Variants in SYNE1 observed in about 807,000 individuals in gnomAD.
SYNE1 encodes spectrin repeat containing nuclear envelope protein 1.
In SYNE1, 616 loss-of-function variants were observed where a neutral mutation model predicts 1,111.0. That is an observed-to-expected ratio of 0.55 (90% confidence interval 0.52 to 0.59). The LOEUF is 0.59. Ranked by LOEUF, SYNE1 falls within the 20% of genes least tolerant of loss-of-function variation. The pLI, the probability that SYNE1 is intolerant of heterozygous loss-of-function variation, is 0.00. For missense variants in SYNE1, 10,006 were observed against 10,417.0 expected (o/e 0.96, Z 1.72); for synonymous variants, 3,855 against 3,825.8 (o/e 1.01, Z -0.28).
In SYNE1 at chr6:152,353,732, C is replaced by T. The variant is rs950891810; in HGVS notation, c.10939G>A (p.Glu3647Lys). The T allele has an allele frequency of 1.9e-6, 3 of 1,614,070 alleles. No individual in the cohort carries two copies. The highest frequency in any genetic ancestry group is 3.3e-5 in the Admixed American group (2 of 60,028). Residue 3647 changes from glutamate (E) to lysine (K), a missense_variant, in exon 68 of 146, where the codon GAA becomes AAA. Physicochemically the swap from Glu to Lys is moderately conservative, Grantham distance 56 (BLOSUM62 1). Coordinates refer to ENST00000367255, the MANE Select transcript of SYNE1 (RefSeq NM_182961.4). ...QLHQMKKWHEEVTAYRDEVEE... is the reference protein window; with the variant it reads ...QLHQMKKWHEKVTAYRDEVEE... ...ACTTCATCTCTGTATGCAGTCACTTCTTCGTGCCACTTCTGAAATGACAAA... is the reference window on the plus strand; with the variant it reads ...ACTTCATCTCTGTATGCAGTCACTTTTTCGTGCCACTTCTGAAATGACAAA...
At chr6:152,376,281 C>A (rs562026178) in intron 58 of SYNE1, 100 bp downstream of exon 58, 1 of 1,326,682 alleles carries the variant, frequency 7.5e-7, no homozygotes, top group Non-Finnish European at 1.1e-6. Context: ...GGCCAGGGAC[C>A]TGTACCAGTC....
intron 114 of SYNE1, among the ~76,000 whole-genome samples, chr6:152,231,026 T>G (rs1037549930): frequency 6.6e-6 from 1 of 152,186 alleles, no homozygotes; most frequent in African/African-American, 2.4e-5. Context: ...AAGGCCGTCC[T>G]GGGCCGCATG....
At chr6:152,486,606 G>A (rs2098942020) in intron 12 of SYNE1, among the ~76,000 whole-genome samples, 1 of 152,110 alleles carries the variant, frequency 6.6e-6, no homozygotes, top group East Asian at 1.9e-4. Context: ...CTCTGTTCTT[G>A]CAATTCTTTT....
intron 55 of SYNE1, among the ~76,000 whole-genome samples, chr6:152,385,349 A>G (rs2097508785): frequency 6.6e-6 from 1 of 152,244 alleles, no homozygotes; most frequent in African/African-American, 2.4e-5. Context: ...TAACTAAGTT[A>G]CTATATAAAC....
intron 40 of SYNE1, among the ~76,000 whole-genome samples, chr6:152,418,205 G>A (rs214991): frequency 0.21 from 32,512 of 152,092 alleles, 3,692 homozygotes; most frequent in East Asian, 0.38. Flanking sequence ...CCTTTGAGAT[G>A]TAACTCTTCT....
intron 124 of SYNE1, among the ~76,000 whole-genome samples, chr6:152,208,996 A>G (rs2077037056): frequency 1.3e-5 from 2 of 152,148 alleles, no homozygotes; most frequent in Non-Finnish European, 2.9e-5. Flanking sequence ...GTAGTTCTTT[A>G]TTACGTTTTA....
intron 113 of SYNE1, 32 bp from the exon 114 acceptor site, chr6:152,231,599 C>A: frequency 6.2e-7 from 1 of 1,603,688 alleles, no homozygotes; most frequent in Non-Finnish European, 8.5e-7. Context: ...TAAGATTATA[C>A]AATAAATGTC....
rs537787765 is a variant in SYNE1 at position 152,393,909 on chromosome 6, G to A, written c.7712+1607C>T. On this transcript the variant is annotated intron_variant, in intron 51 of 145. Transcript: ENST00000367255. ...TGTTACATAGGTATACAAGTGCCAT[G>A]GTGGTTTGCTGCACCCATCAACCTG... is the stretch of plus-strand genomic sequence containing the variant. 2.0e-3 allele frequency among the ~76,000 whole-genome samples: 301 copies of A among 152,234 alleles called. 2 individuals carry two copies. Among genetic ancestry groups the A allele is most frequent in the Middle Eastern group, 6.8e-3 (2 of 294 alleles).
intron 3 of SYNE1, among the ~76,000 whole-genome samples, chr6:152,620,775 CTATT>C (rs2099673720): frequency 6.6e-6 from 1 of 152,140 alleles, no homozygotes; most frequent in African/African-American, 2.4e-5. Flanking sequence ...ATAATATTAA[CTATT>C]TATATTATAT....
chr6:152,177,504 C>G (rs2066780861), intron 129 of SYNE1, among the ~76,000 whole-genome samples: 1 of 152,184 alleles, frequency 6.6e-6, no homozygotes, highest in South Asian at 2.1e-4. Flanking sequence ...TTTTAACCTT[C>G]TCTTGGTCTA....
chr6:152,213,802 TA>T (rs1408439098), intron 122 of SYNE1, 43 bp from the exon 123 acceptor site: 1 of 1,612,450 alleles, frequency 6.2e-7, no homozygotes, highest in South Asian at 1.1e-5. Context: ...TTTCACTGCT[TA>T]TTCTTACTTC....
rs372288820 is a variant in SYNE1 at position 152,232,216 on chromosome 6, C to A, written c.20762G>T (p.Ser6921Ile). The A allele has an allele frequency of 3.1e-6, 5 of 1,613,850 alleles. No homozygotes were observed. The African/African-American group carries it at 4.0e-5, about 13-fold the overall frequency. Residue 6921 changes from serine to isoleucine, a missense_variant, in exon 113 of 146, where the codon AGT becomes ATT. Coordinates refer to ENST00000367255, the MANE Select transcript of SYNE1 (RefSeq NM_182961.4). ...AACATTTTCCATTAGAGAAATCCAA[C>A]TCATGACTTCAGAAATGGCATGGCG... ...PSRHAISEVM[S>I]WISLMENVIQ...
At chr6:152,444,261 A>G in intron 30 of SYNE1, 150 bp downstream of exon 30, 1 of 791,786 alleles carries the variant, frequency 1.3e-6, no homozygotes, top group East Asian at 2.6e-5. Context: ...CAAAACCCAG[A>G]AGCGCCAAAT....
chr6:152,510,345 G>C lies in SYNE1; in HGVS notation c.429C>G (p.Pro143=). 6.2e-7 allele frequency: 1 copy of C among 1,613,822 alleles called. No individual in the cohort carries two copies. The highest frequency in any genetic ancestry group is 1.1e-5 in the South Asian group (1 of 91,070). The part of the protein sequence containing the change: ...FQIEELTSNL[P]QLQSLSSSAS... ...CGCTGCTGGACAAAGACTGGAGCTG[G>C]GGCAGGTTGCTGGTCAACTCTTCAA... The change falls in exon 8 of 146, where the codon CCC becomes CCG. Residue 143 remains proline (P), a synonymous_variant. Coordinates refer to ENST00000367255, the MANE Select transcript of SYNE1 (RefSeq NM_182961.4).
chr6:152,248,504 C>T (rs765046087), intron 105 of SYNE1, among the ~76,000 whole-genome samples: 13 of 151,102 alleles, frequency 8.6e-5, no homozygotes, highest in African/African-American at 2.9e-4. Context: ...ATAAAGTGTA[C>T]AGGTAACTAG....
rs370019471 is a variant in SYNE1, at chr6:152,168,133, A to G, written c.23628-3808T>C. The G allele has an allele frequency of 3.5e-5, 27 of 779,336 alleles. No homozygotes were observed. The highest frequency in any genetic ancestry group is 9.7e-5 in the East Asian group (4 of 41,252). The allele number at this position is 779,336 out of a possible 1,614,324, so 48.3% of individuals were successfully genotyped here. On this transcript the variant is annotated intron_variant, in intron 130 of 145. Coordinates refer to ENST00000367255, the MANE Select transcript of SYNE1 (RefSeq NM_182961.4). ...CCTGCCTTGTGACATCGCAGTTACA[A>G]TCTGGGAGATCTGCATCCACACAGC...
intron 126 of SYNE1, among the ~76,000 whole-genome samples, chr6:152,203,816 C>A (rs550250363): frequency 2.4e-4 from 37 of 151,926 alleles, no homozygotes; most frequent in African/African-American, 9.0e-4. Flanking sequence ...TAACCACATT[C>A]CCTCTTCCCA....
chr6:152,435,825 G>A (rs2154214369), intron 33 of SYNE1, 116 bp downstream of exon 33: 2 of 1,296,450 alleles, frequency 1.5e-6, no homozygotes, highest in East Asian at 2.4e-5. Context: ...CTCAAAACAT[G>A]CTGAAATACA....
In SYNE1 at chr6:152,268,040, G is replaced by A. The variant is rs369215013; in HGVS notation, c.18815+16C>T. On this transcript the variant is annotated intron_variant, in intron 100 of 145. Coordinates refer to ENST00000367255, the MANE Select transcript of SYNE1 (RefSeq NM_182961.4). The stretch of plus-strand genomic sequence containing the variant: ...GAAACACAATGAAGAGAAAATGGAA[G>A]CATTTTGAAACATACCCAGCATCAC... 4.3e-5 allele frequency: 68 copies of A among 1,589,674 alleles called. No individual in the cohort carries two copies. The highest frequency in any genetic ancestry group is 5.7e-5 in the Non-Finnish European group (66 of 1,157,890).
Sources: allele counts gnomAD v4.1 joint callset (sites outside exome capture counted in the v4.1 genomes callset), GRCh38; gene constraint gnomAD v4.1.1; transcripts MANE v1.5; gene names NCBI Gene and HGNC (gene_info 2026-07-23, HGNC 2026-07-21).